The following KIF3C variants were observed in gnomAD, a reference collection of about 807,000 sequenced individuals.
The protein encoded by KIF3C is kinesin-like protein KIF3C.
In KIF3C, 12 loss-of-function variants were observed where a neutral mutation model predicts 67.7. The ratio of observed to expected loss-of-function variants is 0.18; its 90% CI spans 0.11 to 0.29. The LOEUF (loss-of-function observed/expected upper bound fraction) is 0.29. Ranked by LOEUF, KIF3C falls within the 10% of genes least tolerant of loss-of-function variation. The probability of loss-of-function intolerance (pLI) is 1.00; values close to 1 mark genes in which losing one functional copy is unlikely to be tolerated. For missense variants in KIF3C, 789 were observed against 1,059.6 expected, an observed-to-expected ratio of 0.74 and a Z score of 3.55; for synonymous variants, 393 against 426.2, an observed-to-expected ratio of 0.92 and a Z score of 0.96.
intron 3 of KIF3C, 105 bp from the exon 4 acceptor site, chr2:25,954,490 C>T (rs1264276251): frequency 3.8e-6 from 3 of 798,780 alleles, no homozygotes; most frequent in Non-Finnish European, 4.1e-6. Flanking sequence ...ACCGACTCAG[C>T]CCAGGATGAG....
intron 1 of KIF3C, among the ~76,000 whole-genome samples, chr2:25,963,400 G>A (rs915922426): frequency 6.8e-6 from 1 of 147,852 alleles, no homozygotes; most frequent in Non-Finnish European, 1.5e-5. Context: ...TAGAGACAGG[G>A]TTTTGCCATG....
At chr2:25,954,433 G>A (rs765939147) in intron 3 of KIF3C, 48 bp from the exon 4 acceptor site, 2 of 1,444,646 alleles carry the variant, frequency 1.4e-6, no homozygotes, top group Admixed American at 1.7e-5. Context: ...GTGGCAACGA[G>A]GCCCCAGTCA....
intron 1 of KIF3C, among the ~76,000 whole-genome samples, chr2:25,970,667 CAAAAAAAA>C (rs397984116): frequency 3.7e-5 from 2 of 54,788 alleles, no homozygotes; most frequent in African/African-American, 8.0e-5. Flanking sequence ...AACTTTGTCT[CAAAAAAAA>C]AAAAAAAAAA....
intron 1 of KIF3C, among the ~76,000 whole-genome samples, chr2:25,971,450 A>G (rs189611761): frequency 1.8e-3 from 268 of 151,972 alleles, no homozygotes; most frequent in African/African-American, 6.2e-3. Context: ...AAAAAAAAAA[A>G]GAAAAAGAAA....
At chr2:25,938,357 C>CA (rs11388254) in intron 5 of KIF3C, 154,635 of 324,458 alleles carry the variant, frequency 0.48, 25,855 homozygotes, top group Non-Finnish European at 0.56. Flanking sequence ...GTCTGAGTCT[C>CA]AAAAAAAAAA....
intron 1 of KIF3C, among the ~76,000 whole-genome samples, chr2:25,966,168 C>T (rs960695437): frequency 2.6e-5 from 4 of 151,662 alleles, no homozygotes; most frequent in African/African-American, 9.7e-5. Flanking sequence ...TGCAGAGGCA[C>T]AATCTCGGCT....
chr2:25,944,357 T>C (rs960696141), intron 5 of KIF3C, among the ~76,000 whole-genome samples: 1 of 151,636 alleles, frequency 6.6e-6, no homozygotes, highest in African/African-American at 2.4e-5. Flanking sequence ...CTTTTTTTTT[T>C]TTTTTTTGAG....
At chr2:25,972,742 C>T (rs1664313269) in intron 1 of KIF3C, among the ~76,000 whole-genome samples, 1 of 152,170 alleles carries the variant, frequency 6.6e-6, no homozygotes, top group South Asian at 2.1e-4. Context: ...GAATGATACA[C>T]AGTATTTCAC....
intron 1 of KIF3C, among the ~76,000 whole-genome samples, chr2:25,972,403 C>T (rs1289047869): frequency 6.6e-6 from 1 of 152,052 alleles, no homozygotes; most frequent in African/African-American, 2.4e-5. Flanking sequence ...TACAAAATGC[C>T]CCCAGGACGC....
In KIF3C at chr2:25,981,851, T is replaced by C. The variant is rs1664604790; in HGVS notation, c.67A>G (p.Lys23Glu). The C allele has an allele frequency of 2.5e-6, 4 of 1,605,562 alleles. No individual in the cohort carries two copies. Among genetic ancestry groups the C allele is most frequent in the Non-Finnish European group, 3.4e-6 (4 of 1,175,774 alleles). The change falls in exon 1 of 8, where the codon AAG (lysine) becomes GAG (glutamate). Residue 23 changes from lysine (K) to glutamate (E), a missense_variant. Around this residue, in one of 2 missense-constraint regions of KIF3C, gnomAD observed 141 missense variants for 251.8 expected, o/e 0.56. Coordinates refer to ENST00000264712, the MANE Select transcript of KIF3C (RefSeq NM_002254.8). The surrounding 1 kb of genome is among the most constrained non-coding windows in gnomAD (Gnocchi z 8.2). Reference protein sequence around the residue: ...VVARCRPLSRKEEAAGHEQIL... With the variant: ...VVARCRPLSREEEAAGHEQIL... ...TGCTCGTGACCAGCAGCCTCCTCCT[T>C]CCTGCTGAGGGGGCGGCACCGGGCC... is the stretch of plus-strand genomic sequence containing the variant.
chr2:25,963,615 G>A (rs1319353867), intron 1 of KIF3C, among the ~76,000 whole-genome samples: 3 of 151,356 alleles, frequency 2.0e-5, no homozygotes, highest in Non-Finnish European at 4.4e-5. Flanking sequence ...TTAAACTACT[G>A]CCAGCAGTAA....
At chr2:25,933,310 A>G (rs771471968) in intron 5 of KIF3C, among the ~76,000 whole-genome samples, 9 of 152,084 alleles carry the variant, frequency 5.9e-5, no homozygotes, top group Non-Finnish European at 1.2e-4. Flanking sequence ...CAGAAGATAT[A>G]CAAATGGTTG....
intron 4 of KIF3C, 94 bp from the exon 5 acceptor site, chr2:25,951,999 G>A: frequency 1.1e-6 from 1 of 877,174 alleles, no homozygotes. Flanking sequence ...AACAAGCCAA[G>A]AGGCAGAGGG....
chr2:25,955,712 G>A lies in KIF3C; in HGVS notation c.1648-49C>T, dbSNP rs1663790088. 1 of 1,606,244 alleles carries A rather than the reference G, an allele frequency of 6.2e-7. No homozygotes were observed. Among genetic ancestry groups the A allele is most frequent in the Non-Finnish European group, 8.5e-7 (1 of 1,174,850 alleles). On this transcript the variant is annotated intron_variant, in intron 2 of 7. Transcript: ENST00000264712. The surrounding 1 kb of genome is among the most constrained non-coding windows in gnomAD (Gnocchi z 5.0). Reference sequence around the variant, plus strand: ...GCTCAAAGGAGCAGTGCATACTCGGGAGGGCCAGGAAAGCTCAGGGGACTG... The same window carrying A: ...GCTCAAAGGAGCAGTGCATACTCGGAAGGGCCAGGAAAGCTCAGGGGACTG...
rs1037971612 is a variant in KIF3C, at chr2:25,955,366, A to C, written c.1770+175T>G. On this transcript the variant is annotated intron_variant, in intron 3 of 7. Transcript: ENST00000264712. The surrounding 1 kb of genome is among the most constrained non-coding windows in gnomAD (Gnocchi z 5.0). The stretch of plus-strand genomic sequence containing the variant: ...GGCCCAGGAGAAAAGGCTCTACTCC[A>C]CCCCCAGCCCCCGCCTCCTGCCTCC... Among the ~76,000 whole-genome samples, 8 of 150,396 alleles carry C rather than the reference A, an allele frequency of 5.3e-5. No individual in the cohort carries two copies. Among genetic ancestry groups the C allele is most frequent in the Non-Finnish European group, 1.0e-4 (7 of 67,534 alleles).
chr2:25,943,129 C>T (rs1260726161), intron 5 of KIF3C, among the ~76,000 whole-genome samples: 2 of 152,182 alleles, frequency 1.3e-5, no homozygotes, highest in East Asian at 1.9e-4. Context: ...TGGAACAACG[C>T]CCTAATTAGT....
chr2:25,955,481 C>T lies in KIF3C; in HGVS notation c.1770+60G>A. The T allele has an allele frequency of 2.5e-6, 4 of 1,597,980 alleles. No homozygotes were observed. Among genetic ancestry groups the T allele is most frequent in the East Asian group, 4.5e-5 (2 of 44,566 alleles). ...GGAGGAGTCCCTGAAGCACACATCC[C>T]TTGGGCAGAGACTGCTGGGCCTCCA... On this transcript the variant is annotated intron_variant, in intron 3 of 7. Coordinates refer to ENST00000264712, the MANE Select transcript of KIF3C (RefSeq NM_002254.8). This position sits in a 1 kb window ranked among gnomAD's most constrained non-coding sequence, Gnocchi z 5.0.
intron 4 of KIF3C, 162 bp from the exon 5 acceptor site, chr2:25,952,067 G>A (rs926121775): frequency 6.1e-5 from 35 of 571,414 alleles, no homozygotes; most frequent in African/African-American, 2.3e-4. Flanking sequence ...CAAGGCGGGC[G>A]GATCACGAGG....
chr2:25,929,133 G>T, intron 7 of KIF3C, 62 bp from the exon 8 acceptor site: 3 of 1,487,806 alleles, frequency 2.0e-6, no homozygotes, highest in South Asian at 2.3e-5. Context: ...CAGGAAAGTG[G>T]GTCCTCTCCT....
Sources: allele counts gnomAD v4.1 joint callset (sites outside exome capture counted in the v4.1 genomes callset), GRCh38; gene constraint gnomAD v4.1.1; regional missense constraint gnomAD v4.1.1; non-coding constraint Gnocchi (gnomAD v3.1); transcripts MANE v1.5; gene names NCBI Gene and HGNC (gene_info 2026-07-23, HGNC 2026-07-21).